The following PARD3B variants were observed in gnomAD, a reference collection of about 807,000 sequenced individuals.
PARD3B encodes partitioning defective 3 homolog B.
In PARD3B, 103 loss-of-function variants were observed where a neutral mutation model predicts 130.2. The ratio of observed to expected loss-of-function variants is 0.79; its 90% confidence interval spans 0.67 to 0.93. The LOEUF (loss-of-function observed/expected upper bound fraction) is 0.93. Ranked by LOEUF, PARD3B falls within the 40% of genes least tolerant of loss-of-function variation. The pLI is 0.00. For synonymous variants in PARD3B, 583 were observed against 553.2 expected (o/e 1.05, Z -0.76); for missense variants, 1,609 against 1,499.2 (o/e 1.07, Z -1.21).
At chr2:205,261,340 C>T (rs1248833504) in intron 16 of PARD3B, among the ~76,000 whole-genome samples, 2 of 152,086 alleles carry the variant, frequency 1.3e-5, no homozygotes, top group African/African-American at 2.4e-5. Flanking sequence ...CTACATTTCA[C>T]TTTGACTCCC....
chr2:205,552,948 G>A (rs568992027), intron 21 of PARD3B, among the ~76,000 whole-genome samples: 13 of 152,184 alleles, frequency 8.5e-5, no homozygotes, highest in Non-Finnish European at 1.9e-4. Flanking sequence ...CAGGATGTAT[G>A]GGAAGTCTCT....
chr2:205,202,536 G>A (rs2037051541), intron 15 of PARD3B, among the ~76,000 whole-genome samples: 1 of 152,160 alleles, frequency 6.6e-6, no homozygotes, highest in African/African-American at 2.4e-5. Flanking sequence ...TCTAAAAGTT[G>A]TGGCAAATGC....
intron 19 of PARD3B, among the ~76,000 whole-genome samples, chr2:205,434,980 G>A (rs1027494470): frequency 1.3e-4 from 20 of 151,938 alleles, no homozygotes; most frequent in African/African-American, 3.6e-4. Flanking sequence ...TGCATGATGC[G>A]TTCACTAAAA....
intron 1 of PARD3B, among the ~76,000 whole-genome samples, chr2:204,622,781 T>C (rs2034350860): frequency 6.6e-6 from 1 of 152,176 alleles, no homozygotes; most frequent in African/African-American, 2.4e-5. Flanking sequence ...TTTACACCAC[T>C]CTAGGCTTCA....
intron 2 of PARD3B, among the ~76,000 whole-genome samples, chr2:204,814,279 A>G (rs59614427): frequency 0.017 from 2,604 of 151,956 alleles, 68 homozygotes; most frequent in African/African-American, 0.057. Context: ...ATAAAGAGAT[A>G]CAATTGATTT....
In PARD3B at chr2:205,440,432, C is replaced by G. The variant is rs10185378; in HGVS notation, c.2804C>G (p.Thr935Ser). 2 of 1,613,842 alleles carry G rather than the reference C, an allele frequency of 1.2e-6. No homozygotes were observed. Among genetic ancestry groups the G allele is most frequent in the East Asian group, 2.2e-5 (1 of 44,884 alleles). Residue 935 changes from threonine to serine, a missense_variant, in exon 20 of 23, where the codon ACT becomes AGT. Physicochemically the swap from Thr to Ser is moderately conservative, Grantham distance 58 (BLOSUM62 1). Coordinates refer to ENST00000406610, the MANE Select transcript of PARD3B (RefSeq NM_001302769.2). The surrounding 1 kb of genome is among the most constrained non-coding windows in gnomAD (Gnocchi z 4.2). ...KQARGLLDYA[T>S]GAIGSVYDMD... ...GCAAGAGGTCTTCTTGATTATGCTA[C>G]TGGTGCAATTGGATCAGTGTATGAT...
chr2:205,606,175 C>T (rs750566632), intron 22 of PARD3B, among the ~76,000 whole-genome samples: 9 of 142,818 alleles, frequency 6.3e-5, no homozygotes, highest in African/African-American at 1.0e-4. Flanking sequence ...TAATCTTAAG[C>T]AGTCTGCAGC....
In PARD3B at chr2:205,281,799, A is replaced by G. The variant is rs1267013769; in HGVS notation, c.2186-18731A>G. Reference sequence around the variant, plus strand: ...CTACATTAAAAGTACCTGTTTTTCCATAAAAAAGAGGAAGAAAAAGAAATT... The same window carrying G: ...CTACATTAAAAGTACCTGTTTTTCCGTAAAAAAGAGGAAGAAAAAGAAATT... On this transcript the variant is annotated intron_variant, in intron 16 of 22. Transcript: ENST00000406610. This position sits in a 1 kb window ranked among gnomAD's most constrained non-coding sequence, Gnocchi z 4.2. Among the ~76,000 whole-genome samples, 2 of 152,186 alleles carry G rather than the reference A, an allele frequency of 1.3e-5. No homozygotes were observed. The highest frequency in any genetic ancestry group is 2.9e-5 in the Non-Finnish European group (2 of 68,020).
chr2:204,607,247 C>T (rs534544344), intron 1 of PARD3B, among the ~76,000 whole-genome samples: 4 of 152,238 alleles, frequency 2.6e-5, no homozygotes, highest in South Asian at 4.1e-4. Context: ...ATCATATAGA[C>T]GAATGATTAC....
At chr2:204,626,309 C>T (rs1574573532) in intron 1 of PARD3B, among the ~76,000 whole-genome samples, 1 of 152,040 alleles carries the variant, frequency 6.6e-6, no homozygotes, top group South Asian at 2.1e-4. Context: ...AATCTGATTT[C>T]AAAAATTAAA....
At chr2:205,271,952 A>G (rs1574558709) in intron 16 of PARD3B, among the ~76,000 whole-genome samples, 1 of 151,992 alleles carries the variant, frequency 6.6e-6, no homozygotes, top group Non-Finnish European at 1.5e-5. Flanking sequence ...GAGGTCAGGA[A>G]TTTGAGACCA....
chr2:205,157,268 G>A (rs377290903), intron 10 of PARD3B, among the ~76,000 whole-genome samples: 18 of 152,132 alleles, frequency 1.2e-4, no homozygotes, highest in Admixed American at 5.9e-4. Context: ...CATTTAGTAC[G>A]AAACTCTGGC....
At position 205,121,121 on chromosome 2, in the gene PARD3B, A is replaced by T. The variant is rs1318373518; in HGVS notation, c.807-470A>T. 6.6e-6 allele frequency among the ~76,000 whole-genome samples: 1 copy of T among 152,218 alleles called. No homozygotes were observed. Among genetic ancestry groups the T allele is most frequent in the African/African-American group, 2.4e-5 (1 of 41,464 alleles). On this transcript the variant is annotated intron_variant, in intron 7 of 22. Transcript: ENST00000406610. This position sits in a 1 kb window ranked among gnomAD's most constrained non-coding sequence, Gnocchi z 5.0. ...AACTTGAACTTGTGTAACACAACCC[A>T]TGTTAGAGAAGATCTGTACTTTAGA...
chr2:204,622,572 T>C (rs1004470615), intron 1 of PARD3B, among the ~76,000 whole-genome samples: 9 of 151,672 alleles, frequency 5.9e-5, no homozygotes, highest in Non-Finnish European at 1.0e-4. Context: ...TATTAATTCA[T>C]TTTATAATCT....
At chr2:205,172,564 G>A (rs560788157) in intron 12 of PARD3B, among the ~76,000 whole-genome samples, 183 bp downstream of exon 12, 6 of 152,312 alleles carry the variant, frequency 3.9e-5, no homozygotes, top group African/African-American at 1.4e-4. Context: ...TGCATATAAA[G>A]TAAGTCATTT....
At chr2:205,286,444 CTTCCTTAGA>C (rs887488451) in intron 16 of PARD3B, among the ~76,000 whole-genome samples, 2 of 152,140 alleles carry the variant, frequency 1.3e-5, no homozygotes, top group African/African-American at 4.8e-5. Context: ...GATTAAATAA[CTTCCTTAGA>C]TTCTAAACCT....
chr2:204,750,161 A>G (rs2040403802), intron 2 of PARD3B, among the ~76,000 whole-genome samples: 1 of 152,250 alleles, frequency 6.6e-6, no homozygotes, highest in African/African-American at 2.4e-5. Flanking sequence ...AGAAGTTGCT[A>G]CATCTCAATA....
At chr2:205,252,314 A>G (rs2039883745) in intron 16 of PARD3B, among the ~76,000 whole-genome samples, 1 of 152,206 alleles carries the variant, frequency 6.6e-6, no homozygotes, top group African/African-American at 2.4e-5. Context: ...CTAGAGATAC[A>G]AAGTAAAATA....
intron 1 of PARD3B, among the ~76,000 whole-genome samples, chr2:204,599,723 A>G (rs1243860469): frequency 6.6e-6 from 1 of 151,932 alleles, no homozygotes; most frequent in Admixed American, 6.6e-5. Context: ...TTGCTGGATC[A>G]TATGGTAGTT....
Sources: allele counts gnomAD v4.1 joint callset (sites outside exome capture counted in the v4.1 genomes callset), GRCh38; gene constraint gnomAD v4.1.1; non-coding constraint Gnocchi (gnomAD v3.1); transcripts MANE v1.5; gene names NCBI Gene and HGNC (gene_info 2026-07-23, HGNC 2026-07-21).